Variants in PIEZO2 observed in about 807,000 individuals in gnomAD.
The protein encoded by PIEZO2 is piezo-type mechanosensitive ion channel component 2.
Under a neutral mutation model 337.3 loss-of-function variants are expected in PIEZO2, and 172 were observed. That is an observed-to-expected ratio of 0.51 (90% CI 0.45 to 0.58). PIEZO2 has a LOEUF of 0.58. PIEZO2 is among the 20% of genes least tolerant of loss of function. PIEZO2 has a pLI of 0.00. For missense variants in PIEZO2, 3,028 were observed against 3,391.3 expected, an observed-to-expected ratio of 0.89 and a Z score of 2.66; for synonymous variants, 1,251 against 1,228.5, an observed-to-expected ratio of 1.02 and a Z score of -0.38.
rs917462815 is a variant in PIEZO2 at position 11,001,300 on chromosome 18, C to T, written c.161-21640G>A. On this transcript the variant is annotated intron_variant, in intron 2 of 55. Transcript: ENST00000674853. This position sits in a 1 kb window ranked among gnomAD's most constrained non-coding sequence, Gnocchi z 5.3. ...GGTCATCTGGCCACGATTTCCTCAG[C>T]AGCTAGTAGAGAAGGCCAAAAGTCA... Among the ~76,000 whole-genome samples the T allele has an allele frequency of 1.3e-5, 2 of 152,126 alleles. No individual in the cohort carries two copies. Among genetic ancestry groups the T allele is most frequent in the African/African-American group, 4.8e-5 (2 of 41,432 alleles).
chr18:10,759,821 T>C lies in PIEZO2; in HGVS notation c.3539A>G (p.Tyr1180Cys), dbSNP rs781392091. Residue 1180 changes from tyrosine to cysteine, a missense_variant, in exon 25 of 56, where the codon TAT becomes TGT. This residue lies in a region of PIEZO2 where 1,925 missense variants were observed against 2,051.9 expected (regional missense o/e 0.94). Coordinates refer to ENST00000674853, the MANE Select transcript of PIEZO2 (RefSeq NM_001378183.1). This position sits in a 1 kb window ranked among gnomAD's most constrained non-coding sequence, Gnocchi z 5.5. Reference protein sequence around the residue: ...IHACWLIAVLYRRRRKAIAEI... With the variant: ...IHACWLIAVLCRRRRKAIAEI... ...TGCGATGGCTTTCCTTCTGCGTCTA[T>C]ATAAGACAGCGATCAGCCAGCAGGC... The C allele has an allele frequency of 2.0e-6, 3 of 1,537,342 alleles. No homozygotes were observed. Among genetic ancestry groups the C allele is most frequent in the Non-Finnish European group, 2.6e-6 (3 of 1,146,940 alleles).
intron 1 of PIEZO2, among the ~76,000 whole-genome samples, chr18:11,123,909 TTTTAAA>T (rs1463366979): frequency 1.4e-3 from 48 of 35,102 alleles, no homozygotes; most frequent in Non-Finnish European, 6.5e-3. Flanking sequence ...AAAGAGTAGA[TTTTAAA>T]GAGTAGATTT....
chr18:10,741,970 G>A (rs1172661023), intron 32 of PIEZO2, among the ~76,000 whole-genome samples: 1 of 151,708 alleles, frequency 6.6e-6, no homozygotes, highest in Non-Finnish European at 1.5e-5. Flanking sequence ...GTGCTAACAT[G>A]GTGAAACCCT....
intron 3 of PIEZO2, among the ~76,000 whole-genome samples, chr18:10,930,363 C>T (rs540221410): frequency 6.6e-6 from 1 of 152,350 alleles, no homozygotes; most frequent in Non-Finnish European, 1.5e-5. Context: ...CTGATTTCAA[C>T]TCTTCAGGCA....
chr18:10,684,086 T>G (rs2034404815), intron 49 of PIEZO2, among the ~76,000 whole-genome samples: 1 of 60,956 alleles, frequency 1.6e-5, no homozygotes, highest in African/African-American at 4.5e-5. Flanking sequence ...TTTTCCTTCC[T>G]TCCTTCCTTC....
intron 15 of PIEZO2, among the ~76,000 whole-genome samples, chr18:10,788,141 C>T (rs760354013): frequency 6.6e-6 from 1 of 152,040 alleles, no homozygotes. Context: ...GTGGCTCATG[C>T]CTGTAATCCC....
chr18:11,125,908 G>C lies in PIEZO2; in HGVS notation c.64+22617C>G, dbSNP rs1446734411. ...ACACCTGCTAACTTGAGGGCTGCCA[G>C]GGCAGCTCTAGTGCCCAACGGTAGA... On this transcript the variant is annotated intron_variant, in intron 1 of 55. Transcript: ENST00000674853. This position sits in a 1 kb window ranked among gnomAD's most constrained non-coding sequence, Gnocchi z 4.4. 2.0e-5 allele frequency among the ~76,000 whole-genome samples: 3 copies of C among 152,248 alleles called. No homozygotes were observed. The highest frequency in any genetic ancestry group is 1.3e-4 in the Admixed American group (2 of 15,288).
At chr18:10,776,100 T>A (rs1296541722) in intron 18 of PIEZO2, among the ~76,000 whole-genome samples, 3 of 152,214 alleles carry the variant, frequency 2.0e-5, no homozygotes, top group South Asian at 2.1e-4. Context: ...CTTGTGTGAA[T>A]CCTTTTACTT....
At chr18:10,703,789 T>C (rs1287441378) in intron 42 of PIEZO2, among the ~76,000 whole-genome samples, 1 of 152,212 alleles carries the variant, frequency 6.6e-6, no homozygotes, top group Non-Finnish European at 1.5e-5. Context: ...AGGCTCCTCA[T>C]ACCCCGCATG....
intron 2 of PIEZO2, among the ~76,000 whole-genome samples, chr18:11,054,481 A>C (rs901135688): frequency 3.9e-5 from 6 of 152,254 alleles, no homozygotes; most frequent in Non-Finnish European, 7.3e-5. Flanking sequence ...TTCATTCTAC[A>C]AATATTTACT....
intron 17 of PIEZO2, among the ~76,000 whole-genome samples, chr18:10,782,678 G>T (rs2039072739): frequency 6.6e-6 from 1 of 151,042 alleles, no homozygotes. Context: ...AGCCACAGCT[G>T]CAAGGAAGGC....
chr18:10,742,580 T>G lies in PIEZO2; in HGVS notation c.4550A>C (p.Lys1517Thr). The G allele has an allele frequency of 6.5e-7, 1 of 1,537,208 alleles. No homozygotes were observed. Among genetic ancestry groups the G allele is most frequent in the African/African-American group, 1.4e-5 (1 of 73,154 alleles). The change falls in exon 32 of 56, where the codon AAA becomes ACA. Residue 1517 changes from lysine to threonine, a missense_variant. Lys to Thr is a moderately conservative substitution (Grantham distance 78). Around this residue, in one of 5 missense-constraint regions of PIEZO2, gnomAD observed 1,925 missense variants for 2,051.9 expected, o/e 0.94. Transcript: ENST00000674853. ...DRIKARQQKY[K>T]KGKERMLSLT... is the part of the protein sequence containing the mutation. ...GCTCAGCATCCTCTCCTTACCCTTT[T>G]TATATTTCTGTTGCCTGGCCTTGAT... is the stretch of plus-strand genomic sequence containing the variant.
Position 11,101,303 on chromosome 18 carries a change from G to A in PIEZO2, c.65-35081C>T, listed in dbSNP as rs1315342839. 6.6e-6 allele frequency among the ~76,000 whole-genome samples: 1 copy of A among 152,218 alleles called. No homozygotes were observed. Among genetic ancestry groups the A allele is most frequent in the Admixed American group, 6.5e-5 (1 of 15,294 alleles). Reference sequence around the variant, plus strand: ...GACTCAATGGAGAGTCAATCCTGAGGCCTCGAGTGCTGCACGTGGGTCCCC... The same window carrying A: ...GACTCAATGGAGAGTCAATCCTGAGACCTCGAGTGCTGCACGTGGGTCCCC... On this transcript the variant is annotated intron_variant, in intron 1 of 55. Transcript: ENST00000674853. This position sits in a 1 kb window ranked among gnomAD's most constrained non-coding sequence, Gnocchi z 4.4.
intron 39 of PIEZO2, among the ~76,000 whole-genome samples, chr18:10,710,905 C>T (rs747736398): frequency 6.6e-6 from 1 of 152,198 alleles, no homozygotes; most frequent in Non-Finnish European, 1.5e-5. Context: ...GAGGTAACTC[C>T]TTTACTGGCA....
intron 43 of PIEZO2, among the ~76,000 whole-genome samples, chr18:10,700,378 T>A (rs1165820988): frequency 2.0e-5 from 3 of 151,966 alleles, no homozygotes; most frequent in African/African-American, 4.8e-5. Flanking sequence ...CTTGTCTTCT[T>A]AAGAAAAGAT....
At position 11,002,192 on chromosome 18, in the gene PIEZO2, G is replaced by A. The variant is rs755146670; in HGVS notation, c.161-22532C>T. Among the ~76,000 whole-genome samples the A allele has an allele frequency of 2.6e-5, 4 of 152,196 alleles. 1 individual carries two copies. The highest frequency in any genetic ancestry group is 2.4e-5 in the African/African-American group (1 of 41,530). Reference sequence around the variant, plus strand: ...TTTGAATTTCAGATAACTTTCATGCGCCACAAATAATTAATATTTTTCTCT... The same window carrying A: ...TTTGAATTTCAGATAACTTTCATGCACCACAAATAATTAATATTTTTCTCT... On this transcript the variant is annotated intron_variant, in intron 2 of 55. Coordinates refer to ENST00000674853, the MANE Select transcript of PIEZO2 (RefSeq NM_001378183.1). This position sits in a 1 kb window ranked among gnomAD's most constrained non-coding sequence, Gnocchi z 4.3.
intron 1 of PIEZO2, among the ~76,000 whole-genome samples, chr18:11,081,809 G>C (rs2038751636): frequency 6.6e-6 from 1 of 151,486 alleles, no homozygotes; most frequent in Non-Finnish European, 1.5e-5. Context: ...GCCCAGGCTG[G>C]AGTGCAGTGG....
In PIEZO2 at chr18:11,111,517, G is replaced by A. The variant is rs534441090; in HGVS notation, c.64+37008C>T. ...GAAGCATGCACCACCCAGTGGCCAGGGCCCTCCAAATCTGTGATGCCGTGG... is the reference window on the plus strand; with the variant it reads ...GAAGCATGCACCACCCAGTGGCCAGAGCCCTCCAAATCTGTGATGCCGTGG... On this transcript the variant is annotated intron_variant, in intron 1 of 55. Transcript: ENST00000674853. The surrounding 1 kb of genome is among the most constrained non-coding windows in gnomAD (Gnocchi z 6.2). Among the ~76,000 whole-genome samples, 55 of 152,236 alleles carry A rather than the reference G, an allele frequency of 3.6e-4. No homozygotes were observed. The highest frequency in any genetic ancestry group is 1.3e-3 in the African/African-American group (54 of 41,540).
intron 2 of PIEZO2, among the ~76,000 whole-genome samples, chr18:11,005,516 G>C (rs373416770): frequency 6.6e-6 from 1 of 152,206 alleles, no homozygotes; most frequent in African/African-American, 2.4e-5. Flanking sequence ...AGCGGTATCA[G>C]GGATGCTGGG....
Sources: allele counts gnomAD v4.1 joint callset (sites outside exome capture counted in the v4.1 genomes callset), GRCh38; gene constraint gnomAD v4.1.1; regional missense constraint gnomAD v4.1.1; non-coding constraint Gnocchi (gnomAD v3.1); transcripts MANE v1.5; gene names NCBI Gene and HGNC (gene_info 2026-07-23, HGNC 2026-07-21).